The following BRINP3 variants were observed in gnomAD, a reference collection of about 807,000 sequenced individuals.
The protein encoded by BRINP3 is BMP/retinoic acid-inducible neural-specific protein 3.
Under a neutral mutation model 71.0 loss-of-function variants are expected in BRINP3, and 19 were observed. The observed-to-expected ratio is 0.27, with a 90% CI of 0.19 to 0.39. The LOEUF (loss-of-function observed/expected upper bound fraction) is 0.39, where lower values mean the gene tolerates loss of function less well. Among genes scored for constraint, BRINP3 ranks in the 10% least tolerant of loss-of-function variants. The pLI is 1.00. For missense variants in BRINP3, 959 were observed against 940.8 expected (o/e 1.02, Z -0.25); for synonymous variants, 380 against 337.7 (o/e 1.13, Z -1.37).
At chr1:190,317,095 C>T (rs983136290) in intron 2 of BRINP3, among the ~76,000 whole-genome samples, 1 of 149,114 alleles carries the variant, frequency 6.7e-6, no homozygotes, top group Non-Finnish European at 1.5e-5. Flanking sequence ...TCACTTGAAC[C>T]CAGGAGAGGG....
At chr1:190,132,556 A>G (rs149139345) in intron 7 of BRINP3, among the ~76,000 whole-genome samples, 8 of 152,160 alleles carry the variant, frequency 5.3e-5, no homozygotes, top group African/African-American at 1.7e-4. Flanking sequence ...TCTTCATATT[A>G]TTTAGGAAAA....
intron 6 of BRINP3, among the ~76,000 whole-genome samples, chr1:190,184,211 T>C (rs1653300715): frequency 6.6e-6 from 1 of 152,196 alleles, no homozygotes; most frequent in Non-Finnish European, 1.5e-5. Context: ...TAATAGTTTT[T>C]AGCTAAAATT....
intron 6 of BRINP3, among the ~76,000 whole-genome samples, chr1:190,193,551 G>T (rs1571323395): frequency 6.6e-6 from 1 of 152,062 alleles, no homozygotes; most frequent in Admixed American, 6.6e-5. Flanking sequence ...ACTTGCAAAT[G>T]TTAACTTAAT....
At chr1:190,243,010 C>T (rs757133632) in intron 4 of BRINP3, among the ~76,000 whole-genome samples, 1 of 151,998 alleles carries the variant, frequency 6.6e-6, no homozygotes, top group Non-Finnish European at 1.5e-5. Context: ...ATAAATTATC[C>T]TCTATCAAAA....
At chr1:190,249,708 G>T (rs1659954757) in intron 4 of BRINP3, among the ~76,000 whole-genome samples, 1 of 151,742 alleles carries the variant, frequency 6.6e-6, no homozygotes, top group Non-Finnish European at 1.5e-5. Flanking sequence ...GAACTGAATT[G>T]TTTAAGCCAT....
intron 7 of BRINP3, among the ~76,000 whole-genome samples, chr1:190,159,644 T>G (rs900536850): frequency 5.3e-5 from 8 of 151,972 alleles, no homozygotes; most frequent in African/African-American, 1.9e-4. Context: ...TAGAGACAAA[T>G]AGTAGATTAG....
At chr1:190,464,904 A>G (rs954847898) in intron 1 of BRINP3, among the ~76,000 whole-genome samples, 2 of 152,066 alleles carry the variant, frequency 1.3e-5, no homozygotes, top group African/African-American at 4.8e-5. Context: ...TTGTTTTCCA[A>G]CTTAATGAGG....
chr1:190,254,983 G>A (rs138906724), intron 4 of BRINP3, among the ~76,000 whole-genome samples: 2,297 of 151,632 alleles, frequency 0.015, 72 homozygotes, highest in African/African-American at 0.052. Context: ...AGCATGAAGC[G>A]TTGTTGAATT....
At chr1:190,284,015 C>T (rs2102944356) in intron 2 of BRINP3, among the ~76,000 whole-genome samples, 1 of 151,900 alleles carries the variant, frequency 6.6e-6, no homozygotes, top group Admixed American at 6.6e-5. Context: ...ACTAAAAAAT[C>T]CAAGATGATT....
At chr1:190,410,367 A>AT (rs1407942418) in intron 2 of BRINP3, among the ~76,000 whole-genome samples, 1 of 151,886 alleles carries the variant, frequency 6.6e-6, no homozygotes, top group Non-Finnish European at 1.5e-5. Context: ...TTTGTTTTTT[A>AT]TTTTTTCTTT....
At chr1:190,104,827 A>AT (rs1297547072) in intron 7 of BRINP3, among the ~76,000 whole-genome samples, 1 of 152,054 alleles carries the variant, frequency 6.6e-6, no homozygotes, top group Non-Finnish European at 1.5e-5. Context: ...TAATAATCTT[A>AT]TTTCAAAGGT....
intron 6 of BRINP3, among the ~76,000 whole-genome samples, chr1:190,213,563 TA>T: frequency 6.6e-6 from 1 of 152,030 alleles, no homozygotes; most frequent in Non-Finnish European, 1.5e-5. Flanking sequence ...CGAACTGAGT[TA>T]CAATGGCCAA....
At chr1:190,126,156 A>G (rs1157855927) in intron 7 of BRINP3, among the ~76,000 whole-genome samples, 1 of 152,032 alleles carries the variant, frequency 6.6e-6, no homozygotes, top group Non-Finnish European at 1.5e-5. Context: ...ATATTTAAAC[A>G]ATTGGAATAA....
At chr1:190,244,960 A>G (rs1659450193) in intron 4 of BRINP3, among the ~76,000 whole-genome samples, 1 of 152,072 alleles carries the variant, frequency 6.6e-6, no homozygotes, top group African/African-American at 2.4e-5. Context: ...ACTTTTTATT[A>G]TAGCCGTTTG....
intron 2 of BRINP3, among the ~76,000 whole-genome samples, chr1:190,415,087 A>G (rs1454393859): frequency 6.6e-6 from 1 of 152,192 alleles, no homozygotes; most frequent in Non-Finnish European, 1.5e-5. Flanking sequence ...TAAAACTTTT[A>G]ATCAAAATTC....
intron 2 of BRINP3, among the ~76,000 whole-genome samples, chr1:190,292,386 G>A (rs1056032358): frequency 2.0e-5 from 3 of 152,134 alleles, no homozygotes; most frequent in East Asian, 1.9e-4. Flanking sequence ...GGGCACAGTC[G>A]CTCATGCCTG....
At chr1:190,457,750 G>C (rs1312161855) in intron 1 of BRINP3, among the ~76,000 whole-genome samples, 3 of 151,984 alleles carry the variant, frequency 2.0e-5, no homozygotes, top group Non-Finnish European at 4.4e-5. Context: ...TGTGATTTTT[G>C]TAATACACAA....
chr1:190,291,977 A>ACTGT (rs1194776005), intron 2 of BRINP3, among the ~76,000 whole-genome samples: 2 of 152,150 alleles, frequency 1.3e-5, no homozygotes, highest in Non-Finnish European at 2.9e-5. Flanking sequence ...AGAATGAAAT[A>ACTGT]CTGTCATTTG....
At chr1:190,356,693 G>A (rs7546079) in intron 2 of BRINP3, among the ~76,000 whole-genome samples, 3,170 of 151,908 alleles carry the variant, frequency 0.021, 44 homozygotes, top group Non-Finnish European at 0.034. Flanking sequence ...CCAATCATAA[G>A]GTTCTTAATC....
Sources: gnomAD v4.1 joint callset for allele counts (sites outside exome capture counted in the v4.1 genomes callset) on GRCh38, gnomAD v4.1.1 for gene constraint, MANE v1.5 for transcripts, NCBI Gene and HGNC (gene_info 2026-07-23, HGNC 2026-07-21) for gene names.